The following CLYBL variants were observed in gnomAD, a reference collection of about 807,000 sequenced individuals.
The protein encoded by CLYBL is citramalyl-CoA lyase, mitochondrial.
A neutral mutation model predicts 38.9 loss-of-function variants in CLYBL; 31 were observed. The observed-to-expected ratio is 0.80, with a 90% CI of 0.60 to 1.08. CLYBL has a LOEUF of 1.08. CLYBL is among the 50% of genes least tolerant of loss of function. CLYBL has a pLI of 0.00. For missense variants in CLYBL, 434 were observed against 411.6 expected, an observed-to-expected ratio of 1.05 and a Z score of -0.47; for synonymous variants, 171 against 158.6, an observed-to-expected ratio of 1.08 and a Z score of -0.59.
chr13:99,886,654 G>A (rs569219436), intron 7 of CLYBL, among the ~76,000 whole-genome samples: 61 of 152,378 alleles, frequency 4.0e-4, no homozygotes, highest in African/African-American at 8.9e-4. Context: ...ACGGCAACGC[G>A]TGGAGATGCC....
At chr13:99,649,639 G>T (rs767551942) in intron 1 of CLYBL, among the ~76,000 whole-genome samples, 1 of 151,990 alleles carries the variant, frequency 6.6e-6, no homozygotes, top group South Asian at 2.1e-4. Context: ...GCCAAATCAC[G>T]CAGACTGCTT....
chr13:99,707,720 G>A (rs2048167617), intron 1 of CLYBL, among the ~76,000 whole-genome samples: 1 of 152,236 alleles, frequency 6.6e-6, no homozygotes, highest in African/African-American at 2.4e-5. Flanking sequence ...CTTGGTGTGA[G>A]GGTATTGATA....
chr13:99,838,943 T>G lies in CLYBL; in HGVS notation c.250-19918T>G, dbSNP rs1449734114. Reference sequence around the variant, plus strand: ...CGTGAACCACGGCGCCTGGCCTACATTTCACATTCTTAAAAGCCTTTTGGA... The same window carrying G: ...CGTGAACCACGGCGCCTGGCCTACAGTTCACATTCTTAAAAGCCTTTTGGA... On this transcript the variant is annotated intron_variant, in intron 2 of 8. Transcript: ENST00000339105. Among the ~76,000 whole-genome samples, 13 of 152,334 alleles carry G rather than the reference T, an allele frequency of 8.5e-5. No individual in the cohort carries two copies. The East Asian group carries it at 2.3e-3, about 27-fold the overall frequency.
intron 2 of CLYBL, among the ~76,000 whole-genome samples, chr13:99,842,859 A>G (rs1013320951): frequency 1.6e-4 from 24 of 152,314 alleles, no homozygotes; most frequent in African/African-American, 5.3e-4. Context: ...GCAAGCTGTC[A>G]TGGTGCTTAT....
intron 1 of CLYBL, among the ~76,000 whole-genome samples, chr13:99,692,117 A>G (rs2047911674): frequency 6.6e-6 from 1 of 152,132 alleles, no homozygotes; most frequent in African/African-American, 2.4e-5. Flanking sequence ...TCATTTTAAG[A>G]AAGTGCTTAG....
chr13:99,608,338 G>C (rs994024522), intron 1 of CLYBL, among the ~76,000 whole-genome samples: 1 of 152,084 alleles, frequency 6.6e-6, no homozygotes, highest in Non-Finnish European at 1.5e-5. Flanking sequence ...CTCCCAAAGT[G>C]TTGGGATTAA....
chr13:99,786,200 C>CTT (rs199863527), intron 2 of CLYBL, among the ~76,000 whole-genome samples: 3 of 122,558 alleles, frequency 2.4e-5, no homozygotes, highest in African/African-American at 3.0e-5. Flanking sequence ...CTTAGCTTTC[C>CTT]TTTTTTTTTT....
intron 1 of CLYBL, among the ~76,000 whole-genome samples, chr13:99,669,093 C>T (rs2047526791): frequency 6.6e-6 from 1 of 151,866 alleles, no homozygotes; most frequent in Non-Finnish European, 1.5e-5. Context: ...CCTCTGCCTC[C>T]CAGGTTCAAG....
intron 2 of CLYBL, among the ~76,000 whole-genome samples, chr13:99,794,677 C>T (rs1057514251): frequency 7.3e-5 from 11 of 151,314 alleles, no homozygotes; most frequent in African/African-American, 2.7e-4. Flanking sequence ...CCACAACCTC[C>T]ACCGTCTGAG....
At chr13:99,744,463 A>G (rs1347800706) in intron 1 of CLYBL, among the ~76,000 whole-genome samples, 1 of 152,136 alleles carries the variant, frequency 6.6e-6, no homozygotes, top group East Asian at 1.9e-4. Flanking sequence ...TCAGACGTAA[A>G]CCATCTGGGA....
chr13:99,706,160 A>C (rs1177747640), intron 1 of CLYBL, among the ~76,000 whole-genome samples: 1 of 151,990 alleles, frequency 6.6e-6, no homozygotes, highest in Non-Finnish European at 1.5e-5. Flanking sequence ...TTGAACTCCT[A>C]ACCTCGTGAT....
At chr13:99,609,795 C>T (rs1280094256) in intron 1 of CLYBL, among the ~76,000 whole-genome samples, 1 of 152,244 alleles carries the variant, frequency 6.6e-6, no homozygotes, top group Non-Finnish European at 1.5e-5. Flanking sequence ...CTCTGTCGCT[C>T]ATAGTATTGG....
chr13:99,784,372 G>A (rs1000786889), intron 2 of CLYBL, among the ~76,000 whole-genome samples: 3 of 149,746 alleles, frequency 2.0e-5, no homozygotes, highest in Non-Finnish European at 4.5e-5. Flanking sequence ...TTGATTCCCC[G>A]TGTCCTTATT....
chr13:99,647,264 G>A (rs772533250), intron 1 of CLYBL, among the ~76,000 whole-genome samples: 3 of 152,178 alleles, frequency 2.0e-5, no homozygotes, highest in Non-Finnish European at 4.4e-5. Flanking sequence ...ACAATAGGTA[G>A]GACACAAGCT....
chr13:99,888,294 A>G (rs1409843101), intron 7 of CLYBL, among the ~76,000 whole-genome samples: 1 of 152,236 alleles, frequency 6.6e-6, no homozygotes, highest in African/African-American at 2.4e-5. Flanking sequence ...CACAACTAAA[A>G]AGAAAAAGTT....
At chr13:99,665,483 A>G (rs1857410280) in intron 1 of CLYBL, among the ~76,000 whole-genome samples, 1 of 152,096 alleles carries the variant, frequency 6.6e-6, no homozygotes. Flanking sequence ...AAATTTTCCT[A>G]TTTTGCAAGA....
chr13:99,733,951 A>G (rs2048629549), intron 1 of CLYBL, among the ~76,000 whole-genome samples: 1 of 152,208 alleles, frequency 6.6e-6, no homozygotes, highest in Admixed American at 6.5e-5. Context: ...GAAAGTTCTA[A>G]TGGATGTTTT....
chr13:99,648,045 G>A (rs758548048), intron 1 of CLYBL, among the ~76,000 whole-genome samples: 2 of 152,070 alleles, frequency 1.3e-5, no homozygotes, highest in Non-Finnish European at 2.9e-5. Flanking sequence ...TTTAAAACCA[G>A]TTAAAACAAT....
At chr13:99,645,865 C>T (rs1594099580) in intron 1 of CLYBL, among the ~76,000 whole-genome samples, 3 of 152,030 alleles carry the variant, frequency 2.0e-5, no homozygotes, top group South Asian at 2.1e-4. Context: ...ATTTTTGCTT[C>T]GGTCGCCTGT....
Sources: allele counts gnomAD v4.1 joint callset (sites outside exome capture counted in the v4.1 genomes callset), GRCh38; gene constraint gnomAD v4.1.1; transcripts MANE v1.5; gene names NCBI Gene and HGNC (gene_info 2026-07-23, HGNC 2026-07-21).